The following NDUFA5 variants were observed in gnomAD, a reference collection of about 807,000 sequenced individuals.
The protein encoded by NDUFA5 is NADH dehydrogenase [ubiquinone] 1 alpha subcomplex subunit 5.
Under a neutral mutation model 19.8 loss-of-function variants are expected in NDUFA5, and 11 were observed. That is an observed-to-expected ratio of 0.56 (90% CI 0.35 to 0.92). The LOEUF is 0.92. Among genes scored for constraint, NDUFA5 ranks in the 40% least tolerant of loss-of-function variants. NDUFA5 has a pLI of 0.01. For synonymous variants in NDUFA5, 47 were observed against 46.8 expected (o/e 1.00, Z -0.01); for missense variants, 109 against 134.2 (o/e 0.81, Z 0.93).
At chr7:123,596,463 T>C in the NDUFA5 span, 1 of 151,506 alleles carries the variant, frequency 6.6e-6, no homozygotes, top group East Asian at 1.9e-4. Flanking sequence ...AAAAAAAAAA[T>C]TAGCCAGATG....
Position 123,540,903 on chromosome 7 carries a change from C to CACAA in NDUFA5, c.*1215_*1216insTTGT, listed in dbSNP as rs1412784163. ...GCGCATGCGCGTGCACACACACACA[C>CACAA]ACACACACACACACACACACACACA... is the stretch of plus-strand genomic sequence containing the variant. On this transcript the variant is annotated 3_prime_UTR_variant, in exon 5 of 5. Coordinates refer to ENST00000355749, the MANE Select transcript of NDUFA5 (RefSeq NM_005000.5). 7 of 149,358 alleles carry CACAA rather than the reference C, an allele frequency of 4.7e-5. No homozygotes were observed. The highest frequency in any genetic ancestry group is 1.3e-4 in the Admixed American group (2 of 15,046). 9.3% of individuals were successfully genotyped at this position (149,358 alleles called of 1,614,324 possible).
At chr7:123,579,728 A>T in the NDUFA5 span, among the ~76,000 whole-genome samples, 1 of 152,198 alleles carries the variant, frequency 6.6e-6, no homozygotes, top group South Asian at 2.1e-4. Context: ...CTAGGTCTTT[A>T]TTAGAAACAA....
At chr7:123,553,945 A>G (rs879249465) in intron 2 of NDUFA5, among the ~76,000 whole-genome samples, 1 of 152,248 alleles carries the variant, frequency 6.6e-6, no homozygotes, top group Admixed American at 6.5e-5. Context: ...GGGATGGTAG[A>G]TCATAGAAAC....
upstream of NDUFA5, chr7:123,557,982 G>A: frequency 2.2e-6 from 2 of 906,554 alleles, no homozygotes; most frequent in Non-Finnish European, 3.4e-6. Context: ...TGCGCGATGG[G>A]CATACAAGCC....
intron 1 of NDUFA5, 112 bp from the exon 2 acceptor site, chr7:123,557,560 C>T (rs889847159): frequency 6.2e-7 from 1 of 1,611,732 alleles, no homozygotes; most frequent in Non-Finnish European, 8.5e-7. Context: ...CTAAAGCCAG[C>T]TACTGGTCTC....
chr7:123,569,224 A>ATTTACG, the NDUFA5 span, among the ~76,000 whole-genome samples: 1 of 152,190 alleles, frequency 6.6e-6, no homozygotes, highest in South Asian at 2.1e-4. Context: ...GTAAATGGCA[A>ATTTACG]TCTTGGCAAC....
the NDUFA5 span, among the ~76,000 whole-genome samples, chr7:123,581,414 T>TAAA: frequency 0.21 from 26,510 of 123,884 alleles, 2,846 homozygotes; most frequent in East Asian, 0.37. Context: ...AGTGAGCACT[T>TAAA]AAAAAAAAAA....
chr7:123,557,110 G>T (rs1273177792), intron 2 of NDUFA5: 3 of 617,760 alleles, frequency 4.9e-6, no homozygotes, highest in South Asian at 3.0e-5. Flanking sequence ...GATGGAAAAC[G>T]GAGATATAAA....
Position 123,541,375 on chromosome 7 carries a change from C to A in NDUFA5, c.*744G>T, listed in dbSNP as rs1797939054. ...AACAAAAGGAAAATTTCTCCAATAA[C>A]CTGTATGCAATGGGAAATCTTTCTT... On this transcript the variant is annotated 3_prime_UTR_variant, in exon 5 of 5. Coordinates refer to ENST00000355749, the MANE Select transcript of NDUFA5 (RefSeq NM_005000.5). 6.6e-6 allele frequency: 1 copy of A among 152,188 alleles called. No homozygotes were observed. The highest frequency in any genetic ancestry group is 6.5e-5 in the Admixed American group (1 of 15,278). 9.4% of individuals were successfully genotyped at this position (152,188 alleles called of 1,614,324 possible). A position where few individuals can be genotyped will look rare whatever the true frequency, so the allele number is the denominator to read the frequency against.
chr7:123,581,357 T>C, the NDUFA5 span, among the ~76,000 whole-genome samples: 2 of 150,612 alleles, frequency 1.3e-5, no homozygotes, highest in Non-Finnish European at 1.5e-5. Context: ...TTTGCCCTTC[T>C]TGGGCATTGT....
rs1163870923 is a variant in NDUFA5, at chr7:123,538,008, G to C, written c.*4111C>G. On this transcript the variant is annotated 3_prime_UTR_variant, in exon 5 of 5. Transcript: ENST00000355749. ...AATTAGCTGCTAATGTAAACCTAAA[G>C]ACCAATTTGAAAATTATTAGTGATG... 6.6e-6 allele frequency: 1 copy of C among 151,992 alleles called. No homozygotes were observed. The highest frequency in any genetic ancestry group is 1.5e-5 in the Non-Finnish European group (1 of 67,990). 9.4% of individuals were successfully genotyped at this position (151,992 alleles called of 1,614,324 possible).
chr7:123,541,953 G>T lies in NDUFA5; in HGVS notation c.*166C>A. On this transcript the variant is annotated 3_prime_UTR_variant, in exon 5 of 5. Coordinates refer to ENST00000355749, the MANE Select transcript of NDUFA5 (RefSeq NM_005000.5). ...GTGAGTACTTTATAAATCAAAAATTGATTCACATGACCATATTACCATAAT... is the reference window on the plus strand; with the variant it reads ...GTGAGTACTTTATAAATCAAAAATTTATTCACATGACCATATTACCATAAT... The T allele has an allele frequency of 2.6e-6, 1 of 391,410 alleles. No individual in the cohort carries two copies. Among genetic ancestry groups the T allele is most frequent in the Non-Finnish European group, 4.5e-6 (1 of 223,788 alleles). 24.2% of individuals were successfully genotyped at this position (391,410 alleles called of 1,614,324 possible). A position where few individuals can be genotyped will look rare whatever the true frequency, so the allele number is the denominator to read the frequency against.
the NDUFA5 span, among the ~76,000 whole-genome samples, chr7:123,600,554 A>G: frequency 1.3e-5 from 2 of 152,228 alleles, no homozygotes; most frequent in Non-Finnish European, 2.9e-5. Context: ...ATTGCTTTTC[A>G]CAAGAATTCT....
chr7:123,569,585 C>G, the NDUFA5 span, among the ~76,000 whole-genome samples: 1 of 152,088 alleles, frequency 6.6e-6, no homozygotes, highest in Non-Finnish European at 1.5e-5. Flanking sequence ...CTGCTGTCAG[C>G]CCCTAGGGGA....
At chr7:123,571,690 A>G in the NDUFA5 span, among the ~76,000 whole-genome samples, 1 of 152,240 alleles carries the variant, frequency 6.6e-6, no homozygotes, top group Admixed American at 6.5e-5. Context: ...AATGTAAAAG[A>G]GATGTTGTTT....
chr7:123,555,191 A>C (rs548533562), intron 2 of NDUFA5: 28 of 152,374 alleles, frequency 1.8e-4, no homozygotes, highest in Admixed American at 1.7e-3. Context: ...TCTGCATTCC[A>C]AGTTAAAGCA....
chr7:123,576,265 T>C, the NDUFA5 span, among the ~76,000 whole-genome samples: 1 of 151,942 alleles, frequency 6.6e-6, no homozygotes, highest in African/African-American at 2.4e-5. Context: ...GATCTTCCTC[T>C]ATTTTATTTG....
At position 123,540,232 on chromosome 7, in the gene NDUFA5, T is replaced by TA. The variant is rs1797881669; in HGVS notation, c.*1886dup. The TA allele has an allele frequency of 6.6e-6, 1 of 152,200 alleles. No homozygotes were observed. The highest frequency in any genetic ancestry group is 2.4e-5 in the African/African-American group (1 of 41,448). 9.4% of individuals were successfully genotyped at this position (152,200 alleles called of 1,614,324 possible). A position where few individuals can be genotyped will look rare whatever the true frequency, so the allele number is the denominator to read the frequency against. ...TTATGATAGTGCCTGACATTCATAT[T>TA]AAAGTCTCAACAAACATTAGCTATT... On this transcript the variant is annotated 3_prime_UTR_variant, in exon 5 of 5. Coordinates refer to ENST00000355749, the MANE Select transcript of NDUFA5 (RefSeq NM_005000.5).
At chr7:123,584,999 AC>A in the NDUFA5 span, 1 of 151,888 alleles carries the variant, frequency 6.6e-6, no homozygotes, top group Admixed American at 6.6e-5. Context: ...TCTAAGAGTC[AC>A]CTGAAAGAAA....
Sources: allele counts gnomAD v4.1 joint callset (sites outside exome capture counted in the v4.1 genomes callset), GRCh38; gene constraint gnomAD v4.1.1; transcripts MANE v1.5; gene names NCBI Gene and HGNC (gene_info 2026-07-23, HGNC 2026-07-21).